The following THSD4 variants were observed in gnomAD, a reference collection of about 807,000 sequenced individuals.
THSD4 encodes the protein thrombospondin type-1 domain-containing protein 4.
Under a neutral mutation model 119.0 loss-of-function variants are expected in THSD4, and 69 were observed. The ratio of observed to expected loss-of-function variants is 0.58; its 90% confidence interval spans 0.48 to 0.71. THSD4 has a LOEUF of 0.71. THSD4 is among the 30% of genes least tolerant of loss of function. THSD4 has a pLI of 0.00. For synonymous variants in THSD4, 524 were observed against 540.4 expected (o/e 0.97, Z 0.42); for missense variants, 1,393 against 1,391.1 (o/e 1.00, Z -0.02).
intron 7 of THSD4, among the ~76,000 whole-genome samples, chr15:71,434,624 G>A (rs1392666946): frequency 6.6e-6 from 1 of 151,954 alleles, no homozygotes; most frequent in East Asian, 1.9e-4. Flanking sequence ...GGCCTGTGAA[G>A]TTTTAGTTAC....
At chr15:71,310,975 G>A (rs1371227748) in intron 6 of THSD4, among the ~76,000 whole-genome samples, 6 of 152,136 alleles carry the variant, frequency 3.9e-5, no homozygotes, top group Non-Finnish European at 8.8e-5. Context: ...TGTTGTATCC[G>A]CTCAGATTTA....
At chr15:71,699,216 T>TAATGTCAATTATACCTCAA (rs1234852222) in intron 8 of THSD4, among the ~76,000 whole-genome samples, 1 of 97,250 alleles carries the variant, frequency 1.0e-5, no homozygotes, top group Non-Finnish European at 2.0e-5. Context: ...ACAGCTTTTT[T>TAATGTCAATTATACCTCAA]TTTTTTTTTT....
At chr15:71,203,769 T>C (rs1567156316) in intron 3 of THSD4, among the ~76,000 whole-genome samples, 2 of 152,176 alleles carry the variant, frequency 1.3e-5, no homozygotes. Context: ...CCTCTTTCAC[T>C]CAGCAGGTGT....
chr15:71,706,541 A>G (rs2052396155), intron 8 of THSD4, among the ~76,000 whole-genome samples: 1 of 152,160 alleles, frequency 6.6e-6, no homozygotes, highest in Non-Finnish European at 1.5e-5. Context: ...TTGACCAGAG[A>G]AGGTTGGTGG....
chr15:71,131,725 C>T (rs148606171), intron 1 of THSD4, among the ~76,000 whole-genome samples: 356 of 152,328 alleles, frequency 2.3e-3, no homozygotes, highest in African/African-American at 8.2e-3. Context: ...TTCCCACACT[C>T]CTTTGCAGAC....
In THSD4 at chr15:71,759,627, A is replaced by G. The variant is rs1479437554; in HGVS notation, c.2589+1552A>G. Among the ~76,000 whole-genome samples, 3 of 152,358 alleles carry G rather than the reference A, an allele frequency of 2.0e-5. No individual in the cohort carries two copies. The East Asian group carries it at 5.8e-4, about 29-fold the overall frequency. On this transcript the variant is annotated intron_variant, in intron 15 of 17. Transcript: ENST00000261862. ...AAAGATAATTCAGCAGCGACTGTAT[A>G]TAGGACACCAATTATACCAAATATC... is the stretch of plus-strand genomic sequence containing the variant.
chr15:71,315,106 A>G lies in THSD4; in HGVS notation c.1015+58391A>G, dbSNP rs141105488. Among the ~76,000 whole-genome samples, 14 of 152,280 alleles carry G rather than the reference A, an allele frequency of 9.2e-5. No homozygotes were observed. The East Asian group carries it at 1.2e-3, about 13-fold the overall frequency. On this transcript the variant is annotated intron_variant, in intron 6 of 17. Transcript: ENST00000261862. ...GATGGCAGTGGTAACAGGGAGGACT[A>G]TTAGAACACTCTCTGCCCTCTGGGT...
At position 71,243,050 on chromosome 15, in the gene THSD4, TC is replaced by T; in HGVS notation, c.867del (p.Ser290HisfsTer50). 6.2e-7 allele frequency: 1 copy of T among 1,614,142 alleles called. No individual in the cohort carries two copies. The highest frequency in any genetic ancestry group is 1.3e-5 in the African/African-American group (1 of 75,050). ...SFSQPARSTAISCIGAYRQYK... is the reference protein window; with the variant it reads ...SFSQPARSTAXSCIGAYRQYK... Reference sequence around the variant, plus strand: ...TCTCAGCCTGCCCGATCTACAGCAATCTCATGCATCGGGGCCTATCGGCAGT... The same window carrying T: ...TCTCAGCCTGCCCGATCTACAGCAATTCATGCATCGGGGCCTATCGGCAGT... On this transcript the variant is annotated frameshift_variant, in exon 5 of 18. Transcript: ENST00000261862. LOFTEE classifies it high-confidence loss of function.
intron 1 of THSD4, among the ~76,000 whole-genome samples, chr15:71,117,875 G>A (rs1031778263): frequency 1.3e-5 from 2 of 152,172 alleles, no homozygotes; most frequent in African/African-American, 2.4e-5. Context: ...TGGAGCTTAC[G>A]CTATGAACAA....
intron 17 of THSD4, among the ~76,000 whole-genome samples, chr15:71,774,708 C>A (rs11855306): frequency 0.011 from 1,709 of 152,000 alleles, 27 homozygotes; most frequent in African/African-American, 0.039. Flanking sequence ...GCCCAGGAAC[C>A]CGAACTGTGG....
intron 7 of THSD4, among the ~76,000 whole-genome samples, chr15:71,568,854 C>T (rs1316011664): frequency 6.6e-6 from 1 of 152,050 alleles, no homozygotes; most frequent in Non-Finnish European, 1.5e-5. Context: ...GGTTTTTTGT[C>T]CTTGCTATAG....
At chr15:71,123,565 T>C (rs1210895389) in intron 1 of THSD4, among the ~76,000 whole-genome samples, 1 of 152,166 alleles carries the variant, frequency 6.6e-6, no homozygotes, top group East Asian at 1.9e-4. Flanking sequence ...CCTGGGAGTG[T>C]GAGAGGCGGG....
intron 7 of THSD4, among the ~76,000 whole-genome samples, chr15:71,541,635 TTTG>T (rs1288313889): frequency 3.3e-5 from 5 of 152,352 alleles, no homozygotes; most frequent in South Asian, 4.1e-4. Context: ...AACTCAATTT[TTTG>T]TTGTTGTTGC....
chr15:71,316,522 C>T (rs1429715609), intron 6 of THSD4, among the ~76,000 whole-genome samples: 2 of 149,914 alleles, frequency 1.3e-5, no homozygotes, highest in Non-Finnish European at 3.0e-5. Flanking sequence ...AATTGTCACT[C>T]TACAGAGTTC....
At chr15:71,660,201 C>T (rs1221952715) in intron 7 of THSD4, among the ~76,000 whole-genome samples, 1 of 152,130 alleles carries the variant, frequency 6.6e-6, no homozygotes, top group East Asian at 1.9e-4. Context: ...ATAAAAATCC[C>T]AGCACAGACC....
chr15:71,727,573 T>TAC (rs2052878516), intron 8 of THSD4, among the ~76,000 whole-genome samples: 1 of 67,872 alleles, frequency 1.5e-5, no homozygotes, highest in Non-Finnish European at 2.5e-5. Flanking sequence ...TATATATATA[T>TAC]ATATATATAT....
intron 6 of THSD4, among the ~76,000 whole-genome samples, chr15:71,362,535 A>G (rs1441694143): frequency 6.6e-6 from 1 of 152,228 alleles, no homozygotes; most frequent in Non-Finnish European, 1.5e-5. Context: ...ATCTTCCTAG[A>G]TTAAAGACTG....
At chr15:71,772,643 G>A (rs558824602) in intron 17 of THSD4, among the ~76,000 whole-genome samples, 1 of 152,164 alleles carries the variant, frequency 6.6e-6, no homozygotes, top group South Asian at 2.1e-4. Flanking sequence ...TGTGGTTTTT[G>A]CCATTATTTT....
At chr15:71,402,179 C>T (rs570671615) in intron 6 of THSD4, among the ~76,000 whole-genome samples, 3 of 150,778 alleles carry the variant, frequency 2.0e-5, no homozygotes, top group South Asian at 4.2e-4. Context: ...TGCAGCACAC[C>T]AATACGGCAC....
Sources: gnomAD v4.1 joint callset for allele counts (sites outside exome capture counted in the v4.1 genomes callset) on GRCh38, gnomAD v4.1.1 for gene constraint, MANE v1.5 for transcripts, NCBI Gene and HGNC (gene_info 2026-07-23, HGNC 2026-07-21) for gene names.